The following BABAM2 variants were observed in gnomAD, a reference collection of about 807,000 sequenced individuals.
BABAM2 encodes the protein BRISC and BRCA1 A complex member 2.
A neutral mutation model predicts 54.7 loss-of-function variants in BABAM2; 31 were observed. The observed-to-expected ratio is 0.57, with a 90% CI of 0.43 to 0.77. BABAM2 has a LOEUF of 0.77. Among genes scored for constraint, BABAM2 ranks in the 30% least tolerant of loss-of-function variants. The probability of loss-of-function intolerance (pLI) is 0.00; values close to 1 mark genes in which losing one functional copy is unlikely to be tolerated. For synonymous variants in BABAM2, 167 were observed against 162.9 expected (o/e 1.03, Z -0.19); for missense variants, 364 against 455.8 (o/e 0.80, Z 1.83).
chr2:28,275,686 A>G (rs1685817853), intron 10 of BABAM2, among the ~76,000 whole-genome samples: 1 of 152,188 alleles, frequency 6.6e-6, no homozygotes, highest in Non-Finnish European at 1.5e-5. Context: ...CTCGTCAAAA[A>G]TGTCATAATT....
intron 3 of BABAM2, among the ~76,000 whole-genome samples, chr2:27,970,357 T>C (rs1383480641): frequency 6.6e-6 from 1 of 152,176 alleles, no homozygotes; most frequent in East Asian, 1.9e-4. Context: ...CTTTTAAAAA[T>C]TGGAACAAAT....
At chr2:28,053,960 T>A (rs183226372) in intron 6 of BABAM2, among the ~76,000 whole-genome samples, 9 of 152,316 alleles carry the variant, frequency 5.9e-5, no homozygotes, top group Admixed American at 6.5e-5. Flanking sequence ...TATAGAAACA[T>A]CACTATGTTT....
intron 10 of BABAM2, among the ~76,000 whole-genome samples, chr2:28,259,106 T>TTC (rs1553352395): frequency 0.011 from 1,225 of 109,648 alleles, 102 homozygotes; most frequent in Non-Finnish European, 0.02. Context: ...TTTTTTTTTT[T>TTC]CAGACTGAGT....
At chr2:28,190,576 A>G (rs952499784) in intron 7 of BABAM2, among the ~76,000 whole-genome samples, 1 of 152,146 alleles carries the variant, frequency 6.6e-6, no homozygotes, top group African/African-American at 2.4e-5. Flanking sequence ...AATCTTAGCT[A>G]CTCAGGAAGC....
At chr2:27,930,597 A>G (rs1224663170) in intron 3 of BABAM2, among the ~76,000 whole-genome samples, 3 of 152,200 alleles carry the variant, frequency 2.0e-5, no homozygotes, top group Non-Finnish European at 4.4e-5. Context: ...TACTTTTTCA[A>G]AATTAAAAAC....
intron 4 of BABAM2, chr2:28,015,795 C>T: frequency 9.8e-7 from 1 of 1,022,276 alleles, no homozygotes; most frequent in Non-Finnish European, 1.3e-6. Flanking sequence ...TCTTCTTCCA[C>T]TGTTTTTCTC....
At chr2:27,994,060 A>AT (rs982669818) in intron 4 of BABAM2, among the ~76,000 whole-genome samples, 8 of 152,124 alleles carry the variant, frequency 5.3e-5, no homozygotes, top group African/African-American at 1.9e-4. Flanking sequence ...ATGTTCTCTC[A>AT]TTTTTCAAAT....
chr2:28,336,023 G>T (rs1691432002), intron 11 of BABAM2, among the ~76,000 whole-genome samples: 1 of 152,176 alleles, frequency 6.6e-6, no homozygotes, highest in Non-Finnish European at 1.5e-5. Flanking sequence ...TAATGACTTG[G>T]AGCCAGATAG....
At chr2:28,143,509 C>T (rs1026882845) in intron 7 of BABAM2, among the ~76,000 whole-genome samples, 3 of 152,016 alleles carry the variant, frequency 2.0e-5, no homozygotes, top group Non-Finnish European at 2.9e-5. Context: ...GTGCTTTTAA[C>T]ACACACACAA....
chr2:27,910,591 A>T (rs1409399364), intron 2 of BABAM2, among the ~76,000 whole-genome samples: 1 of 152,128 alleles, frequency 6.6e-6, no homozygotes, highest in Non-Finnish European at 1.5e-5. Flanking sequence ...CCCTCTTCCC[A>T]TGAAAGGATA....
chr2:28,219,836 A>G (rs1433362117), intron 7 of BABAM2, among the ~76,000 whole-genome samples: 1 of 152,190 alleles, frequency 6.6e-6, no homozygotes. Flanking sequence ...GGAGCCAAGC[A>G]AGCACGTAGG....
chr2:28,300,173 A>G (rs1286887758), intron 11 of BABAM2, among the ~76,000 whole-genome samples: 2 of 152,154 alleles, frequency 1.3e-5, no homozygotes, highest in Admixed American at 1.3e-4. Flanking sequence ...TCCTGACCTC[A>G]GGTGATCCGC....
intron 10 of BABAM2, among the ~76,000 whole-genome samples, chr2:28,293,950 G>A (rs1388249894): frequency 6.6e-6 from 1 of 152,208 alleles, no homozygotes; most frequent in Non-Finnish European, 1.5e-5. Context: ...TGGATGAAGA[G>A]CCAACCAAGA....
chr2:28,169,618 C>A (rs1010616244), intron 7 of BABAM2, among the ~76,000 whole-genome samples: 2 of 151,778 alleles, frequency 1.3e-5, no homozygotes, highest in African/African-American at 4.8e-5. Context: ...TGTACTAAAA[C>A]AAACAAACAA....
intron 2 of BABAM2, among the ~76,000 whole-genome samples, chr2:27,927,940 T>C (rs1194334150): frequency 1.3e-5 from 2 of 151,310 alleles, no homozygotes; most frequent in African/African-American, 4.9e-5. Context: ...ACCTCCCAGG[T>C]TCAAACGATT....
chr2:27,949,427 G>A (rs910243623), intron 3 of BABAM2, among the ~76,000 whole-genome samples: 3 of 152,028 alleles, frequency 2.0e-5, no homozygotes, highest in Non-Finnish European at 4.4e-5. Context: ...CCAGGTACTT[G>A]GGAGGCCGAG....
intron 6 of BABAM2, among the ~76,000 whole-genome samples, chr2:28,108,985 GT>G (rs200008696): frequency 0.013 from 2,006 of 152,040 alleles, 26 homozygotes; most frequent in South Asian, 0.049. Context: ...TGAAATTTTG[GT>G]GTTGAAATCA....
At chr2:28,144,546 T>C (rs1474717363) in intron 7 of BABAM2, among the ~76,000 whole-genome samples, 2 of 152,200 alleles carry the variant, frequency 1.3e-5, no homozygotes, top group East Asian at 1.9e-4. Context: ...AGAACATGCA[T>C]GGACTTGCTT....
At chr2:28,026,917 A>AAG (rs1675841355) in intron 5 of BABAM2, among the ~76,000 whole-genome samples, 1 of 29,474 alleles carries the variant, frequency 3.4e-5, no homozygotes, top group Non-Finnish European at 6.7e-5. Flanking sequence ...AATATATATT[A>AAG]ATATATATAA....
Sources: allele counts gnomAD v4.1 joint callset (sites outside exome capture counted in the v4.1 genomes callset), GRCh38; gene constraint gnomAD v4.1.1; transcripts MANE v1.5; gene names NCBI Gene and HGNC (gene_info 2026-07-23, HGNC 2026-07-21).